The following SCP2 variants were observed in gnomAD, a reference collection of about 807,000 sequenced individuals.
SCP2 encodes sterol carrier protein 2.
A neutral mutation model predicts 71.4 loss-of-function variants in SCP2; 48 were observed. That is an observed-to-expected ratio of 0.67 (90% CI 0.53 to 0.86). SCP2 has a LOEUF of 0.86. Among genes scored for constraint, SCP2 ranks in the 40% least tolerant of loss-of-function variants. The probability of loss-of-function intolerance (pLI) is 0.00; values close to 1 mark genes in which losing one functional copy is unlikely to be tolerated. For synonymous variants in SCP2, 220 were observed against 218.1 expected (o/e 1.01, Z -0.08); for missense variants, 560 against 655.6 (o/e 0.85, Z 1.59).
chr1:52,993,430 A>G (rs1659680992), intron 11 of SCP2: 5 of 1,614,000 alleles, frequency 3.1e-6, no homozygotes, highest in Non-Finnish European at 4.2e-6. Flanking sequence ...GATCTGCTTT[A>G]TTACCAATTA....
At position 52,974,777 on chromosome 1, in the gene SCP2, A is replaced by G. The variant is rs753547956; in HGVS notation, c.532A>G (p.Ile178Val). 8.5e-6 allele frequency: 13 copies of G among 1,537,644 alleles called. No individual in the cohort carries two copies. The Admixed American group carries it at 2.2e-4, about 26-fold the overall frequency. The change falls in exon 7 of 16, where the codon ATT (isoleucine) becomes GTT (valine). Residue 178 changes from isoleucine (I) to valine (V), a missense_variant. This residue lies in a region of SCP2 where 513 missense variants were observed against 573.1 expected (regional missense o/e 0.90). Coordinates refer to ENST00000371514, the MANE Select transcript of SCP2 (RefSeq NM_002979.5). The stretch of plus-strand genomic sequence containing the variant: ...GTTTGCTTTCTTTACAGGAACAAAA[A>G]TTGAACACTTTGCAAAAATTGGATG... The part of the protein sequence containing the change: ...KEHMEKYGTK[I>V]EHFAKIGWKN...
chr1:53,028,155 T>C, intron 13 of SCP2, 84 bp downstream of exon 13: 2 of 748,734 alleles, frequency 2.7e-6, no homozygotes, highest in Non-Finnish European at 4.8e-6. Flanking sequence ...CACGAGGTGG[T>C]ACAATTGAAA....
intron 12 of SCP2, among the ~76,000 whole-genome samples, chr1:53,024,162 A>C (rs1661941860): frequency 1.3e-5 from 2 of 152,234 alleles, no homozygotes; most frequent in East Asian, 3.8e-4. Context: ...ATGATCCTTG[A>C]GAACATTATG....
chr1:53,007,924 C>G (rs960848393), intron 11 of SCP2, among the ~76,000 whole-genome samples: 3 of 151,704 alleles, frequency 2.0e-5, no homozygotes, highest in African/African-American at 7.3e-5. Flanking sequence ...CAAATAGATG[C>G]AATAAAAAAT....
intron 11 of SCP2, among the ~76,000 whole-genome samples, chr1:53,001,606 C>G (rs1660322003): frequency 6.6e-6 from 1 of 152,120 alleles, no homozygotes; most frequent in African/African-American, 2.4e-5. Flanking sequence ...AGTCATCAAG[C>G]TAGAGAGTGG....
chr1:53,005,684 A>G (rs1660589042), intron 11 of SCP2, among the ~76,000 whole-genome samples: 1 of 152,238 alleles, frequency 6.6e-6, no homozygotes, highest in African/African-American at 2.4e-5. Context: ...CTAGAGCAGA[A>G]AAGCTGAAAA....
chr1:52,978,173 T>G (rs1426013032), intron 8 of SCP2, 44 bp from the exon 9 acceptor site: 1 of 1,591,956 alleles, frequency 6.3e-7, no homozygotes, highest in African/African-American at 1.3e-5. Flanking sequence ...AATCCTCCGA[T>G]CAGGTGCTAC....
chr1:53,029,920 G>T (rs562344019), intron 13 of SCP2, among the ~76,000 whole-genome samples: 2 of 150,096 alleles, frequency 1.3e-5, no homozygotes, highest in African/African-American at 2.5e-5. Flanking sequence ...ACAAAGTCTC[G>T]CTCTGTCACC....
chr1:52,976,602 A>G, intron 7 of SCP2, 81 bp from the exon 8 acceptor site: 1 of 789,922 alleles, frequency 1.3e-6, no homozygotes, highest in Non-Finnish European at 2.3e-6. Context: ...TAATATTTAC[A>G]TATTATTCTG....
intron 10 of SCP2, among the ~76,000 whole-genome samples, chr1:52,983,994 G>C (rs916782241): frequency 6.6e-6 from 1 of 152,190 alleles, no homozygotes; most frequent in South Asian, 2.1e-4. Flanking sequence ...CCTTCTGAGG[G>C]TGGTGGTTAA....
intron 5 of SCP2, 42 bp from the exon 6 acceptor site, chr1:52,961,459 CTT>C: frequency 6.2e-7 from 1 of 1,606,426 alleles, no homozygotes; most frequent in South Asian, 1.1e-5. Context: ...GAAAGAGACA[CTT>C]ATCATGTCAG....
At chr1:53,020,422 T>C (rs6684171) in intron 12 of SCP2, among the ~76,000 whole-genome samples, 48,044 of 152,038 alleles carry the variant, frequency 0.32, 12,694 homozygotes, top group African/African-American at 0.72. Context: ...TTTCTCTAGT[T>C]GTGTCACTGG....
intron 3 of SCP2, among the ~76,000 whole-genome samples, chr1:52,948,961 G>T (rs12062980): frequency 0.021 from 2,731 of 129,980 alleles, 43 homozygotes; most frequent in African/African-American, 0.062. Context: ...TTTTTTTTTT[G>T]TTTTTGGCAA....
chr1:52,948,229 CAG>C, intron 3 of SCP2, 149 bp downstream of exon 3: 1 of 660,882 alleles, frequency 1.5e-6, no homozygotes, highest in Middle Eastern at 4.1e-4. Flanking sequence ...AAAAAAATCT[CAG>C]AATTCAAAGT....
intron 13 of SCP2, among the ~76,000 whole-genome samples, chr1:53,037,013 T>C (rs2150258799): frequency 6.6e-6 from 1 of 152,110 alleles, no homozygotes; most frequent in East Asian, 1.9e-4. Flanking sequence ...TGGCGTGTGC[T>C]GTAGTCCCAG....
chr1:53,032,499 G>C (rs906129763), intron 13 of SCP2, among the ~76,000 whole-genome samples: 4 of 152,192 alleles, frequency 2.6e-5, no homozygotes, highest in Non-Finnish European at 5.9e-5. Flanking sequence ...AGGAAGAAGT[G>C]AGTGTCCTGG....
intron 11 of SCP2, among the ~76,000 whole-genome samples, chr1:52,988,774 C>T (rs1426267730): frequency 6.6e-6 from 1 of 151,636 alleles, no homozygotes; most frequent in Non-Finnish European, 1.5e-5. Context: ...CAGCCCCTGC[C>T]TCCCGGGTTC....
chr1:53,038,721 A>G (rs1280113747), intron 13 of SCP2, among the ~76,000 whole-genome samples, 196 bp from the exon 14 acceptor site: 1 of 152,182 alleles, frequency 6.6e-6, no homozygotes, highest in East Asian at 1.9e-4. Context: ...GCCATTTTTA[A>G]TAAAAGACTT....
chr1:53,043,904 GAGA>G (rs1284896859), intron 14 of SCP2, among the ~76,000 whole-genome samples: 3 of 152,144 alleles, frequency 2.0e-5, no homozygotes, highest in Non-Finnish European at 4.4e-5. Flanking sequence ...CGAGTATTAA[GAGA>G]AGATTTTCTC....
Sources: allele counts gnomAD v4.1 joint callset (sites outside exome capture counted in the v4.1 genomes callset), GRCh38; gene constraint gnomAD v4.1.1; regional missense constraint gnomAD v4.1.1; transcripts MANE v1.5; gene names NCBI Gene and HGNC (gene_info 2026-07-23, HGNC 2026-07-21).